Variants in CSMD3 observed in about 807,000 individuals in gnomAD.
CSMD3 encodes the protein CUB and Sushi multiple domains 3, also known as CUB and sushi domain-containing protein 3.
A neutral mutation model predicts 435.2 loss-of-function variants in CSMD3; 177 were observed. The ratio of observed to expected loss-of-function variants is 0.41; its 90% confidence interval spans 0.36 to 0.46. The LOEUF (loss-of-function observed/expected upper bound fraction) is 0.46. Among genes scored for constraint, CSMD3 ranks in the 20% least tolerant of loss-of-function variants. The probability of loss-of-function intolerance (pLI) is 0.34; values close to 1 mark genes in which losing one functional copy is unlikely to be tolerated. For missense variants in CSMD3, 4,265 were observed against 4,504.6 expected (o/e 0.95, Z 1.52); for synonymous variants, 1,656 against 1,520.5 (o/e 1.09, Z -2.07).
rs116427300 is a variant in CSMD3 at position 112,330,017 on chromosome 8, C to A, written c.7165+5312G>T. ...GGACATCAAATAATAAAACACTTTA[C>A]GGGTTCTGTGCTCTAGCTATTACAA... On this transcript the variant is annotated intron_variant, in intron 45 of 70. Transcript: ENST00000297405. Among the ~76,000 whole-genome samples the A allele has an allele frequency of 3.6e-3, 555 of 152,098 alleles. 4 individuals carry two copies. Among genetic ancestry groups the A allele is most frequent in the African/African-American group, 0.012 (517 of 41,530 alleles).
chr8:112,555,321 A>C (rs950327774), intron 25 of CSMD3, among the ~76,000 whole-genome samples: 2 of 151,990 alleles, frequency 1.3e-5, no homozygotes, highest in Non-Finnish European at 2.9e-5. Flanking sequence ...TATGCTTTTA[A>C]TGTATTTGTT....
intron 10 of CSMD3, among the ~76,000 whole-genome samples, chr8:112,915,484 C>T (rs1259301053): frequency 1.3e-5 from 2 of 151,620 alleles, no homozygotes; most frequent in African/African-American, 2.4e-5. Context: ...TATTTATTTC[C>T]CATTTGAAAA....
chr8:112,649,949 T>C (rs141727883), intron 19 of CSMD3, among the ~76,000 whole-genome samples: 183 of 152,300 alleles, frequency 1.2e-3, no homozygotes, highest in African/African-American at 4.2e-3. Flanking sequence ...ACAGGGTAGA[T>C]ACACAGATAG....
chr8:112,496,245 A>G (rs1181080488), intron 30 of CSMD3, among the ~76,000 whole-genome samples: 1 of 152,188 alleles, frequency 6.6e-6, no homozygotes, highest in Non-Finnish European at 1.5e-5. Context: ...CTGGAAATAT[A>G]GGCGTGAGCT....
Position 113,051,727 on chromosome 8 carries a change from G to T in CSMD3, c.918-32548C>A, listed in dbSNP as rs573839236. Among the ~76,000 whole-genome samples the T allele has an allele frequency of 5.4e-4, 82 of 152,250 alleles. 1 individual carries two copies. The South Asian group carries it at 0.017, about 31-fold the overall frequency. On this transcript the variant is annotated intron_variant, in intron 5 of 70. Transcript: ENST00000297405. Reference sequence around the variant, plus strand: ...TGTATTATAATTTTCTGAAGGTCAGGTCTTCATTTGAAATTCATCACATTG... The same window carrying T: ...TGTATTATAATTTTCTGAAGGTCAGTTCTTCATTTGAAATTCATCACATTG...
At chr8:112,760,228 C>A (rs2077804888) in intron 13 of CSMD3, among the ~76,000 whole-genome samples, 1 of 152,088 alleles carries the variant, frequency 6.6e-6, no homozygotes. Context: ...TTTTATTTAG[C>A]AAAGTGAGAT....
chr8:112,337,800 C>T, intron 42 of CSMD3, 69 bp from the exon 43 acceptor site: 1 of 1,189,106 alleles, frequency 8.4e-7, no homozygotes, highest in Non-Finnish European at 1.2e-6. Context: ...GGTACTACAG[C>T]AATTTTGCAA....
At chr8:112,234,660 T>A (rs568213397) in intron 67 of CSMD3, among the ~76,000 whole-genome samples, 183 bp from the exon 68 acceptor site, 1 of 152,220 alleles carries the variant, frequency 6.6e-6, no homozygotes, top group Non-Finnish European at 1.5e-5. Context: ...ATACATTGAT[T>A]TATCTGTCTT....
chr8:113,032,158 T>C lies in CSMD3; in HGVS notation c.918-12979A>G, dbSNP rs2087138355. Among the ~76,000 whole-genome samples, 4 of 151,590 alleles carry C rather than the reference T, an allele frequency of 2.6e-5. No individual in the cohort carries two copies. The South Asian group carries it at 6.3e-4, about 24-fold the overall frequency. ...GACTAATACAGAGAGTTGGTACTAGTAGAGCGAGTTACTCCTATAAAGATA... is the reference window on the plus strand; with the variant it reads ...GACTAATACAGAGAGTTGGTACTAGCAGAGCGAGTTACTCCTATAAAGATA... On this transcript the variant is annotated intron_variant, in intron 5 of 70. Transcript: ENST00000297405.
intron 6 of CSMD3, among the ~76,000 whole-genome samples, chr8:113,003,839 A>G (rs760849389): frequency 6.6e-6 from 1 of 152,082 alleles, no homozygotes; most frequent in Non-Finnish European, 1.5e-5. Context: ...TCATCAATAT[A>G]CAAATCAAAT....
chr8:113,280,062 G>A (rs2093602114), intron 2 of CSMD3, among the ~76,000 whole-genome samples: 1 of 151,848 alleles, frequency 6.6e-6, no homozygotes, highest in South Asian at 2.1e-4. Context: ...TTTGGATTCG[G>A]TTAGCTAGTA....
chr8:113,283,766 G>T (rs773670216), intron 2 of CSMD3, among the ~76,000 whole-genome samples: 12 of 152,100 alleles, frequency 7.9e-5, no homozygotes, highest in Non-Finnish European at 1.3e-4. Context: ...TATTTGAAAA[G>T]ATACTTGTAC....
chr8:112,642,494 C>T (rs2074859900), intron 20 of CSMD3, among the ~76,000 whole-genome samples: 1 of 152,230 alleles, frequency 6.6e-6, no homozygotes, highest in African/African-American at 2.4e-5. Flanking sequence ...ACAGATGGTA[C>T]ATATACATTT....
chr8:112,686,823 A>AT (rs1165503976), intron 14 of CSMD3, among the ~76,000 whole-genome samples: 1 of 151,932 alleles, frequency 6.6e-6, no homozygotes, highest in African/African-American at 2.4e-5. Context: ...AATTCCCTAC[A>AT]TTTTGTACTA....
chr8:113,030,217 A>G (rs1310339349), intron 5 of CSMD3, among the ~76,000 whole-genome samples: 1 of 151,102 alleles, frequency 6.6e-6, no homozygotes, highest in Non-Finnish European at 1.5e-5. Flanking sequence ...AGCAATCTAC[A>G]AATTCAATGC....
chr8:112,268,239 G>T (rs1447877146), intron 59 of CSMD3, among the ~76,000 whole-genome samples: 1 of 152,082 alleles, frequency 6.6e-6, no homozygotes, highest in Admixed American at 6.6e-5. Flanking sequence ...AGTACATAAA[G>T]GAATCATTAA....
At chr8:112,789,715 G>A (rs535575311) in intron 13 of CSMD3, among the ~76,000 whole-genome samples, 5 of 151,988 alleles carry the variant, frequency 3.3e-5, no homozygotes, top group Non-Finnish European at 7.4e-5. Flanking sequence ...TTAAAGAAAC[G>A]TCAAATCATA....
At position 112,257,036 on chromosome 8, in the gene CSMD3, A is replaced by G. The variant is rs189468855; in HGVS notation, c.9863-1609T>C. On this transcript the variant is annotated intron_variant, in intron 61 of 70. Transcript: ENST00000297405. ...AAAACCTTCCCTGAAATTCAAGACT[A>G]CACGATAAACTTGGATTTTTAAACC... is the stretch of plus-strand genomic sequence containing the variant. 3.9e-3 allele frequency among the ~76,000 whole-genome samples: 592 copies of G among 152,350 alleles called. 1 individual carries two copies. Among genetic ancestry groups the G allele is most frequent in the South Asian group, 6.6e-3 (32 of 4,830 alleles).
chr8:112,928,752 G>T (rs1280138974), intron 9 of CSMD3, among the ~76,000 whole-genome samples: 1 of 150,148 alleles, frequency 6.7e-6, no homozygotes, highest in Non-Finnish European at 1.5e-5. Flanking sequence ...AAACATACAT[G>T]TGCATGTGTC....
Sources: gnomAD v4.1 joint callset for allele counts (sites outside exome capture counted in the v4.1 genomes callset) on GRCh38, gnomAD v4.1.1 for gene constraint, MANE v1.5 for transcripts, NCBI Gene and HGNC (gene_info 2026-07-23, HGNC 2026-07-21) for gene names.